Variants in TSBP1 observed in about 807,000 individuals in gnomAD.
TSBP1 encodes testis expressed basic protein 1.
In TSBP1, 56 loss-of-function variants were observed where a neutral mutation model predicts 68.8. The ratio of observed to expected loss-of-function variants is 0.81; its 90% CI spans 0.66 to 1.02. The LOEUF (loss-of-function observed/expected upper bound fraction) is 1.02, where lower values mean the gene tolerates loss of function less well. Among genes scored for constraint, TSBP1 ranks in the 50% least tolerant of loss-of-function variants. The pLI is 0.00. For missense variants in TSBP1, 502 were observed against 641.2 expected (o/e 0.78, Z 2.34); for synonymous variants, 171 against 208.7 (o/e 0.82, Z 1.56).
Position 32,292,983 on chromosome 6 carries a change from AC to A in TSBP1, c.1689del (p.Glu563AspfsTer10). ...ATGGGCCTTTAAAAAATTTATCCTT[AC>A]TCTTCCACTTTTTTGTTGTACTTCC... On this transcript the variant is annotated frameshift_variant, in exon 23 of 23. Transcript: ENST00000612031. LOFTEE classifies it high-confidence loss of function. The surrounding 1 kb of genome is among the most constrained non-coding windows in gnomAD (Gnocchi z 4.1). 7 of 1,588,018 alleles carry A rather than the reference AC, an allele frequency of 4.4e-6. No individual in the cohort carries two copies. The highest frequency in any genetic ancestry group is 5.1e-6 in the Non-Finnish European group (6 of 1,169,314).
At chr6:32,341,319 T>C (rs936571894) in intron 9 of TSBP1, among the ~76,000 whole-genome samples, 1 of 152,152 alleles carries the variant, frequency 6.6e-6, no homozygotes, top group African/African-American at 2.4e-5. Flanking sequence ...AGTTAGTTCT[T>C]TTAGAGAGTA....
intron 18 of TSBP1, 21 bp from the exon 20 acceptor site, chr6:32,322,527 A>T (rs767610391): frequency 2.5e-6 from 4 of 1,571,538 alleles, no homozygotes; most frequent in Non-Finnish European, 3.5e-6. Flanking sequence ...AGCAAACAGA[A>T]ATCCATTTAA....
intron 9 of TSBP1, among the ~76,000 whole-genome samples, chr6:32,347,199 T>C (rs951763761): frequency 2.0e-5 from 3 of 151,420 alleles, no homozygotes; most frequent in South Asian, 2.1e-4. Flanking sequence ...GGTCTCACTC[T>C]GTCACCCAGG....
chr6:32,341,878 A>G (rs1463845932), intron 9 of TSBP1, among the ~76,000 whole-genome samples: 1 of 152,116 alleles, frequency 6.6e-6, no homozygotes, highest in East Asian at 1.9e-4. Context: ...TGTGACCCTA[A>G]TATGCAACCA....
At chr6:32,355,093 T>C in intron 8 of TSBP1, 31 bp downstream of exon 8, 1 of 1,600,710 alleles carries the variant, frequency 6.2e-7, no homozygotes, top group Non-Finnish European at 8.5e-7. Flanking sequence ...CAGATGACAG[T>C]AGAATTGAAA....
chr6:32,297,365 A>T (rs114058744), intron 22 of TSBP1, among the ~76,000 whole-genome samples: 7,016 of 152,316 alleles, frequency 0.046, 364 homozygotes, highest in African/African-American at 0.13. Context: ...TTCAAGCTGA[A>T]TAAAAAGTAA....
chr6:32,358,910 T>TTTATTATTATTATTATTATTATA lies in TSBP1; in HGVS notation c.218-3242_218-3241insTATAATAATAATAATAATAATAA, dbSNP rs1554208374. On this transcript the variant is annotated intron_variant, in intron 6 of 22. Transcript: ENST00000612031. ...GTGTCTTTATAGCAGCATGATTTGT[T>TTTATTATTATTATTATTATTATA]TTATTATTATTATTATTATTATTAT... Among the ~76,000 whole-genome samples, 52 of 148,106 alleles carry TTTATTATTATTATTATTATTATA rather than the reference T, an allele frequency of 3.5e-4. No homozygotes were observed. The Middle Eastern group carries it at 0.01, about 29-fold the overall frequency.
At chr6:32,309,620 G>T (rs1766168693) in intron 19 of TSBP1, among the ~76,000 whole-genome samples, 2 of 151,854 alleles carry the variant, frequency 1.3e-5, no homozygotes, top group South Asian at 4.2e-4. Flanking sequence ...ATTTTTATGG[G>T]TATATAGTAG....
At chr6:32,359,025 G>A (rs1251927052) in intron 6 of TSBP1, among the ~76,000 whole-genome samples, 27 of 149,414 alleles carry the variant, frequency 1.8e-4, no homozygotes, top group Admixed American at 6.7e-4. Context: ...CCACTAACTC[G>A]TCATCTAGCA....
chr6:32,336,181 A>G lies in TSBP1; in HGVS notation c.431-249T>C, dbSNP rs1342968754. Among the ~76,000 whole-genome samples, 1 of 152,174 alleles carries G rather than the reference A, an allele frequency of 6.6e-6. No individual in the cohort carries two copies. Among genetic ancestry groups the G allele is most frequent in the African/African-American group, 2.4e-5 (1 of 41,442 alleles). ...CAGAGGGTTGGGAAAGACTCACTCCATATTAATCTGTTATGCCTCTATTTT... is the reference window on the plus strand; with the variant it reads ...CAGAGGGTTGGGAAAGACTCACTCCGTATTAATCTGTTATGCCTCTATTTT... On this transcript the variant is annotated intron_variant, in intron 12 of 22. Coordinates refer to ENST00000612031, the Ensembl canonical transcript of TSBP1. The surrounding 1 kb of genome is among the most constrained non-coding windows in gnomAD (Gnocchi z 5.2).
At position 32,333,884 on chromosome 6, in the gene TSBP1, T is replaced by G. The variant is rs1769347711; in HGVS notation, c.472+1553A>C. On this transcript the variant is annotated intron_variant, in intron 14 of 22. Coordinates refer to ENST00000612031, the Ensembl canonical transcript of TSBP1. This position sits in a 1 kb window ranked among gnomAD's most constrained non-coding sequence, Gnocchi z 4.2. ...TTAACTCTGAATTTTTTTTTTCCTG[T>G]GTAAAACACCTGGAAGATGGCTTTC... 6.1e-6 allele frequency: 1 copy of G among 164,924 alleles called. No homozygotes were observed. Among genetic ancestry groups the G allele is most frequent in the African/African-American group, 2.4e-5 (1 of 41,606 alleles). The allele number at this position is 164,924 out of a possible 1,614,324, so 10.2% of individuals were successfully genotyped here.
chr6:32,369,112 T>C (rs2127666833), intron 2 of TSBP1, among the ~76,000 whole-genome samples: 1 of 152,316 alleles, frequency 6.6e-6, no homozygotes, highest in South Asian at 2.1e-4. Flanking sequence ...AGAGACCTTA[T>C]GGCATAGAAA....
chr6:32,335,421 G>T lies in TSBP1; in HGVS notation c.472+16C>A. ...AAGTACTAAAAGGCATTATAATTGAGAATCAGATGACTTACCAATGGTTTT... is the reference window on the plus strand; with the variant it reads ...AAGTACTAAAAGGCATTATAATTGATAATCAGATGACTTACCAATGGTTTT... On this transcript the variant is annotated intron_variant, in intron 14 of 22. Coordinates refer to ENST00000612031, the Ensembl canonical transcript of TSBP1. The surrounding 1 kb of genome is among the most constrained non-coding windows in gnomAD (Gnocchi z 5.5). 1 of 1,503,660 alleles carries T rather than the reference G, an allele frequency of 6.7e-7. No individual in the cohort carries two copies. Among genetic ancestry groups the T allele is most frequent in the Non-Finnish European group, 8.9e-7 (1 of 1,126,776 alleles). 93.1% of individuals were successfully genotyped at this position (1,503,660 alleles called of 1,614,324 possible).
At chr6:32,349,526 C>T in intron 9 of TSBP1, 3 of 502,000 alleles carry the variant, frequency 6.0e-6, no homozygotes, top group Non-Finnish European at 1.0e-5. Flanking sequence ...GGAAATTGCT[C>T]TCTTCATGTC....
intron 7 of TSBP1, 114 bp from the exon 8 acceptor site, chr6:32,355,258 C>G: frequency 9.7e-7 from 1 of 1,033,156 alleles, no homozygotes; most frequent in Non-Finnish European, 1.5e-6. Flanking sequence ...GTCTAGGCCC[C>G]GGGAGTCATC....
chr6:32,303,608 T>C (rs1765516807), intron 19 of TSBP1, among the ~76,000 whole-genome samples: 2 of 152,160 alleles, frequency 1.3e-5, no homozygotes, highest in Non-Finnish European at 2.9e-5. Flanking sequence ...ATGTTTTTAA[T>C]GTACTCTGGT....
Position 32,314,966 on chromosome 6 carries a change from A to C in TSBP1, c.580+806T>G, listed in dbSNP as rs1391024958. ...CACAGTTCCCAGGAGACTCACCTCA[A>C]CTCGCTCATTTACTGACCTGCCTGG... On this transcript the variant is annotated intron_variant, in intron 19 of 22. Transcript: ENST00000612031. This position sits in a 1 kb window ranked among gnomAD's most constrained non-coding sequence, Gnocchi z 4.2. Among the ~76,000 whole-genome samples, 6 of 152,094 alleles carry C rather than the reference A, an allele frequency of 3.9e-5. No homozygotes were observed. Among genetic ancestry groups the C allele is most frequent in the African/African-American group, 1.4e-4 (6 of 41,410 alleles).
chr6:32,366,543 C>T (rs1252440525), intron 4 of TSBP1: 3 of 475,400 alleles, frequency 6.3e-6, no homozygotes, highest in Non-Finnish European at 1.1e-5. Flanking sequence ...GCGGGTGGAT[C>T]ACGAGGTCAG....
Position 32,343,740 on chromosome 6 carries a change from C to T in TSBP1, c.350-4102G>A, listed in dbSNP as rs936017819. Among the ~76,000 whole-genome samples, 1 of 152,296 alleles carries T rather than the reference C, an allele frequency of 6.6e-6. No homozygotes were observed. Among genetic ancestry groups the T allele is most frequent in the South Asian group, 2.1e-4 (1 of 4,826 alleles). ...AGTTTGCTTGACTTTAAGTTCAGCA[C>T]GTTTTCCTTCATATTCTTTACAATT... is the stretch of plus-strand genomic sequence containing the variant. On this transcript the variant is annotated intron_variant, in intron 9 of 22. Transcript: ENST00000612031. This position sits in a 1 kb window ranked among gnomAD's most constrained non-coding sequence, Gnocchi z 4.3.
Sources: allele counts gnomAD v4.1 joint callset (sites outside exome capture counted in the v4.1 genomes callset), GRCh38; gene constraint gnomAD v4.1.1; non-coding constraint Gnocchi (gnomAD v3.1); transcripts MANE v1.5; gene names NCBI Gene and HGNC (gene_info 2026-07-23, HGNC 2026-07-21).